COL24A1: variants seen among roughly 807,000 people sequenced by gnomAD.
COL24A1 encodes the protein collagen type XXIV alpha 1 chain, also known as collagen alpha-1(XXIV) chain.
In COL24A1, 224 loss-of-function variants were observed where a neutral mutation model predicts 253.9. The ratio of observed to expected loss-of-function variants is 0.88; its 90% CI spans 0.79 to 0.99. The LOEUF is 0.99. Among genes scored for constraint, COL24A1 ranks in the 50% least tolerant of loss-of-function variants. COL24A1 has a pLI of 0.00. For synonymous variants in COL24A1, 685 were observed against 673.7 expected, an observed-to-expected ratio of 1.02 and a Z score of -0.26; for missense variants, 2,131 against 2,068.5, an observed-to-expected ratio of 1.03 and a Z score of -0.59.
chr1:85,789,997 T>G (rs1341055880), intron 47 of COL24A1, among the ~76,000 whole-genome samples: 1 of 152,164 alleles, frequency 6.6e-6, no homozygotes, highest in Non-Finnish European at 1.5e-5. Flanking sequence ...GCAGGAATAT[T>G]GGCCTTAAGT....
chr1:86,055,562 G>A (rs961857788), intron 10 of COL24A1, among the ~76,000 whole-genome samples: 8 of 152,168 alleles, frequency 5.3e-5, no homozygotes, highest in African/African-American at 1.9e-4. Context: ...AGAGTAAGTT[G>A]TACAGTGCCA....
chr1:85,983,444 T>C (rs1693434987), intron 20 of COL24A1, among the ~76,000 whole-genome samples: 2 of 151,956 alleles, frequency 1.3e-5, no homozygotes, highest in Admixed American at 1.3e-4. Context: ...ATTCCTACTT[T>C]GAGGTTTTTA....
chr1:85,746,830 A>G (rs1665275151), intron 55 of COL24A1, among the ~76,000 whole-genome samples: 1 of 152,170 alleles, frequency 6.6e-6, no homozygotes, highest in South Asian at 2.1e-4. Flanking sequence ...AGATTAAATA[A>G]TTATGACCAT....
chr1:85,742,942 C>A (rs7535884), intron 57 of COL24A1, among the ~76,000 whole-genome samples: 1 of 151,980 alleles, frequency 6.6e-6, no homozygotes, highest in African/African-American at 2.4e-5. Flanking sequence ...AATCTAACCA[C>A]TTTTTACCAC....
intron 59 of COL24A1, among the ~76,000 whole-genome samples, chr1:85,733,225 T>C (rs916815953): frequency 1.3e-5 from 2 of 152,192 alleles, no homozygotes; most frequent in African/African-American, 4.8e-5. Flanking sequence ...ATGGGTTTCA[T>C]AGTACACAAA....
At chr1:85,899,676 T>C (rs570040753) in intron 28 of COL24A1, among the ~76,000 whole-genome samples, 1 of 152,334 alleles carries the variant, frequency 6.6e-6, no homozygotes, top group South Asian at 2.1e-4. Flanking sequence ...GGTCCAAAGA[T>C]AGAAAATACA....
intron 20 of COL24A1, among the ~76,000 whole-genome samples, chr1:85,977,458 A>C (rs977831917): frequency 6.6e-6 from 1 of 152,184 alleles, no homozygotes; most frequent in African/African-American, 2.4e-5. Context: ...AACTTAAAGA[A>C]ATTTAAAAAA....
intron 47 of COL24A1, among the ~76,000 whole-genome samples, chr1:85,805,322 T>C (rs1671852072): frequency 6.6e-6 from 1 of 152,112 alleles, no homozygotes; most frequent in South Asian, 2.1e-4. Flanking sequence ...AAAGAGATAA[T>C]GTAAGGAAGG....
At chr1:85,795,487 A>G (rs187965327) in intron 47 of COL24A1, among the ~76,000 whole-genome samples, 2 of 152,340 alleles carry the variant, frequency 1.3e-5, no homozygotes, top group Non-Finnish European at 2.9e-5. Context: ...TTCTAAAAAT[A>G]GCTAAAAATA....
At position 86,043,382 on chromosome 1, in the gene COL24A1, A is replaced by T. The variant is rs182235905; in HGVS notation, c.1950+3443T>A. 5.3e-5 allele frequency among the ~76,000 whole-genome samples: 8 copies of T among 152,226 alleles called. No homozygotes were observed. In the East Asian group the frequency reaches 1.5e-3, roughly 29 times the overall value. On this transcript the variant is annotated intron_variant, in intron 12 of 59. Coordinates refer to ENST00000370571, the MANE Select transcript of COL24A1 (RefSeq NM_152890.7). ...AATAAAAAAATTAGAAAAAAACAGA[A>T]ATATTAATTTAAAAAATTAAGGGTA... is the stretch of plus-strand genomic sequence containing the variant.
chr1:86,010,287 T>C (rs932641859), intron 19 of COL24A1, among the ~76,000 whole-genome samples: 7 of 152,008 alleles, frequency 4.6e-5, no homozygotes, highest in Admixed American at 1.3e-4. Flanking sequence ...AAGTGACAAA[T>C]TGGGAAAAAA....
chr1:85,861,771 A>G (rs770895374), intron 37 of COL24A1, among the ~76,000 whole-genome samples: 11 of 152,236 alleles, frequency 7.2e-5, no homozygotes, highest in Non-Finnish European at 1.3e-4. Flanking sequence ...CACTTTGAAT[A>G]AAACCCAAAT....
intron 32 of COL24A1, among the ~76,000 whole-genome samples, chr1:85,887,346 C>T (rs994322760): frequency 4.0e-5 from 6 of 151,812 alleles, no homozygotes; most frequent in Non-Finnish European, 7.4e-5. Context: ...TTATTGAAGG[C>T]GATTGGGTAC....
intron 20 of COL24A1, among the ~76,000 whole-genome samples, chr1:85,984,635 A>C (rs907665283): frequency 2.6e-5 from 4 of 151,844 alleles, no homozygotes; most frequent in African/African-American, 9.7e-5. Context: ...GGCAGGAAAA[A>C]TCCGCAACTC....
At chr1:86,022,414 A>G (rs1411034350) in intron 17 of COL24A1, 121 bp from the exon 18 acceptor site, 8 of 1,362,954 alleles carry the variant, frequency 5.9e-6, no homozygotes, top group Non-Finnish European at 8.3e-6. Context: ...AAAGTTTCAA[A>G]CAAGAACTTA....
intron 7 of COL24A1, among the ~76,000 whole-genome samples, chr1:86,083,682 G>A (rs776641115): frequency 2.0e-5 from 3 of 152,104 alleles, no homozygotes; most frequent in Non-Finnish European, 4.4e-5. Context: ...TAAAATGATA[G>A]GTGGTTGGAG....
chr1:86,002,167 C>A (rs1376905927), intron 19 of COL24A1, among the ~76,000 whole-genome samples: 1 of 152,216 alleles, frequency 6.6e-6, no homozygotes, highest in Non-Finnish European at 1.5e-5. Context: ...GATGATCAGC[C>A]AATCACTTAC....
intron 2 of COL24A1, among the ~76,000 whole-genome samples, chr1:86,139,179 A>AAG (rs1553148964): frequency 1.4e-5 from 2 of 146,240 alleles, no homozygotes; most frequent in Non-Finnish European, 3.0e-5. Flanking sequence ...AGAAGGAGAA[A>AAG]GGGGGGGGAG....
At chr1:86,090,772 T>C (rs1216702102) in intron 6 of COL24A1, among the ~76,000 whole-genome samples, 3 of 152,156 alleles carry the variant, frequency 2.0e-5, no homozygotes, top group Admixed American at 2.0e-4. Context: ...TATGGCAATA[T>C]ACTATTAAAT....
Sources: allele counts gnomAD v4.1 joint callset (sites outside exome capture counted in the v4.1 genomes callset), GRCh38; gene constraint gnomAD v4.1.1; transcripts MANE v1.5; gene names NCBI Gene and HGNC (gene_info 2026-07-23, HGNC 2026-07-21).